SPAG9: variants seen among roughly 807,000 people sequenced by gnomAD.
SPAG9 encodes the protein C-Jun-amino-terminal kinase-interacting protein 4.
In SPAG9, 35 loss-of-function variants were observed where a neutral mutation model predicts 166.5. The observed-to-expected ratio is 0.21, with a 90% CI of 0.16 to 0.28. The LOEUF (loss-of-function observed/expected upper bound fraction) is 0.28. Among genes scored for constraint, SPAG9 ranks in the 10% least tolerant of loss-of-function variants. The pLI is 1.00. For missense variants in SPAG9, 1,235 were observed against 1,603.3 expected, an observed-to-expected ratio of 0.77 and a Z score of 3.92; for synonymous variants, 534 against 565.5, an observed-to-expected ratio of 0.94 and a Z score of 0.79.
intron 21 of SPAG9, among the ~76,000 whole-genome samples, chr17:50,988,501 G>T (rs1429949388): frequency 6.6e-6 from 1 of 152,086 alleles, no homozygotes; most frequent in African/African-American, 2.4e-5. Flanking sequence ...TCACTAAATG[G>T]GCCTAGATTA....
chr17:51,094,209 GCA>G (rs1218993264), intron 1 of SPAG9, among the ~76,000 whole-genome samples: 1 of 152,112 alleles, frequency 6.6e-6, no homozygotes, highest in African/African-American at 2.4e-5. Context: ...CTGTATCCAG[GCA>G]CACAAAGCTT....
chr17:51,078,964 T>C (rs1259013046), intron 2 of SPAG9, among the ~76,000 whole-genome samples: 1 of 151,908 alleles, frequency 6.6e-6, no homozygotes, highest in Non-Finnish European at 1.5e-5. Flanking sequence ...ATAGAGGAAA[T>C]GATCCACACA....
intron 22 of SPAG9, among the ~76,000 whole-genome samples, chr17:50,986,436 TA>T (rs1231080009): frequency 6.6e-6 from 1 of 152,234 alleles, no homozygotes; most frequent in Admixed American, 6.5e-5. Context: ...TTTCAGATTT[TA>T]GAATGTTTAC....
rs1319015541 is a variant in SPAG9, at chr17:50,963,737, T to G, written c.*2535A>C. The G allele has an allele frequency of 2.6e-5, 4 of 152,230 alleles. No homozygotes were observed. The highest frequency in any genetic ancestry group is 2.1e-4 in the South Asian group (1 of 4,834). The allele number at this position is 152,230 out of a possible 1,614,324, so 9.4% of individuals were successfully genotyped here. A position where few individuals can be genotyped will look rare whatever the true frequency, so the allele number is the denominator to read the frequency against. On this transcript the variant is annotated 3_prime_UTR_variant, in exon 30 of 30. Coordinates refer to ENST00000262013, the MANE Select transcript of SPAG9 (RefSeq NM_001130528.3). ...GATGTTTACTTCTTGGGATTAAAATTCCCAAACACTTTGGTGTCTCTTTCT... is the reference window on the plus strand; with the variant it reads ...GATGTTTACTTCTTGGGATTAAAATGCCCAAACACTTTGGTGTCTCTTTCT...
At chr17:51,110,388 CAA>C (rs764802398) in intron 1 of SPAG9, among the ~76,000 whole-genome samples, 6 of 64,158 alleles carry the variant, frequency 9.4e-5, no homozygotes, top group African/African-American at 1.1e-4. Flanking sequence ...ACTAACCTTA[CAA>C]AAAAAAAAAA....
At chr17:50,971,563 G>T (rs1453898172) in intron 28 of SPAG9, among the ~76,000 whole-genome samples, 2 of 148,190 alleles carry the variant, frequency 1.3e-5, no homozygotes, top group African/African-American at 5.0e-5. Flanking sequence ...CGCCTCCCGG[G>T]TTCAAGCGAT....
chr17:50,988,426 A>G (rs1354014099), intron 21 of SPAG9, among the ~76,000 whole-genome samples: 1 of 152,208 alleles, frequency 6.6e-6, no homozygotes, highest in Non-Finnish European at 1.5e-5. Context: ...TTTAAAAAGG[A>G]TCTAGTTTAA....
intron 13 of SPAG9, among the ~76,000 whole-genome samples, chr17:51,000,552 G>A (rs761278189): frequency 5.3e-5 from 8 of 151,994 alleles, no homozygotes; most frequent in Non-Finnish European, 1.0e-4. Flanking sequence ...TGACCAACAT[G>A]GTGAAACCCT....
At chr17:51,091,096 A>T (rs2048451592) in intron 1 of SPAG9, among the ~76,000 whole-genome samples, 3 of 151,566 alleles carry the variant, frequency 2.0e-5, no homozygotes, top group South Asian at 4.2e-4. Flanking sequence ...GTCTCCACGA[A>T]ACCCTGTCTC....
chr17:51,071,838 A>G (rs915956925), intron 2 of SPAG9, among the ~76,000 whole-genome samples: 6 of 152,202 alleles, frequency 3.9e-5, no homozygotes, highest in Admixed American at 3.9e-4. Flanking sequence ...GTGCTCCTAA[A>G]ATATGTTCAT....
At chr17:51,007,434 C>G (rs1237910506) in intron 9 of SPAG9, 108 bp from the exon 10 acceptor site, 6 of 497,254 alleles carry the variant, frequency 1.2e-5, no homozygotes, top group Middle Eastern at 9.4e-4. Flanking sequence ...TTTTATCTGT[C>G]CTTTATTAAT....
In SPAG9 at chr17:51,047,702, CAA is replaced by C. The variant is rs763552367; in HGVS notation, c.496-235_496-234del. Reference sequence around the variant, plus strand: ...GTAGCTAATATCTTGCTTAGGATGGCAAAAAAAAAAAAAAAACCCACTTTTTT... The same window carrying C: ...GTAGCTAATATCTTGCTTAGGATGGCAAAAAAAAAAAAAACCCACTTTTTT... On this transcript the variant is annotated intron_variant, in intron 3 of 29. Transcript: ENST00000262013. 1.0e-3 allele frequency among the ~76,000 whole-genome samples: 76 copies of C among 74,360 alleles called. 1 individual carries two copies. Among genetic ancestry groups the C allele is most frequent in the African/African-American group, 2.5e-3 (54 of 21,992 alleles). 48.8% of individuals were successfully genotyped at this position (74,360 alleles called of 152,430 possible). A position where few individuals can be genotyped will look rare whatever the true frequency, so the allele number is the denominator to read the frequency against.
intron 26 of SPAG9, 42 bp from the exon 27 acceptor site, chr17:50,977,263 A>G (rs1233285818): frequency 1.6e-6 from 2 of 1,251,032 alleles, no homozygotes; most frequent in East Asian, 2.3e-5. Context: ...AAACTAAAGC[A>G]GACAGTGTTT....
At chr17:51,119,069 AAATTC>A (rs1348408423) in intron 1 of SPAG9, among the ~76,000 whole-genome samples, 3 of 151,642 alleles carry the variant, frequency 2.0e-5, no homozygotes, top group Non-Finnish European at 2.9e-5. Context: ...TTTGTTTGGC[AAATTC>A]AATAGCATTC....
intron 2 of SPAG9, among the ~76,000 whole-genome samples, chr17:51,058,270 CCAA>C (rs1235722230): frequency 6.6e-6 from 1 of 152,130 alleles, no homozygotes; most frequent in African/African-American, 2.4e-5. Context: ...CTAATAGCAG[CCAA>C]CAACATCAAG....
At chr17:51,107,568 C>G (rs1331186108) in intron 1 of SPAG9, among the ~76,000 whole-genome samples, 1 of 151,900 alleles carries the variant, frequency 6.6e-6, no homozygotes, top group Non-Finnish European at 1.5e-5. Context: ...AAAACCCCAT[C>G]TCTACTAAAA....
At chr17:51,117,470 G>C (rs2049323009) in intron 1 of SPAG9, among the ~76,000 whole-genome samples, 1 of 152,046 alleles carries the variant, frequency 6.6e-6, no homozygotes, top group Non-Finnish European at 1.5e-5. Context: ...CCAGCACTTT[G>C]GGAGGCTGAG....
intron 1 of SPAG9, among the ~76,000 whole-genome samples, chr17:51,090,043 A>G (rs553039102): frequency 6.6e-6 from 1 of 152,188 alleles, no homozygotes; most frequent in South Asian, 2.1e-4. Flanking sequence ...TGGTTTGCCT[A>G]AAACCTTTAC....
At chr17:51,023,126 T>C (rs2046007394) in intron 6 of SPAG9, among the ~76,000 whole-genome samples, 1 of 148,804 alleles carries the variant, frequency 6.7e-6, no homozygotes, top group Non-Finnish European at 1.5e-5. Context: ...TTATTCTACA[T>C]TATGGCTTAG....
Sources: gnomAD v4.1 joint callset for allele counts (sites outside exome capture counted in the v4.1 genomes callset) on GRCh38, gnomAD v4.1.1 for gene constraint, MANE v1.5 for transcripts, NCBI Gene and HGNC (gene_info 2026-07-23, HGNC 2026-07-21) for gene names.